The following ZNF827 variants were observed in gnomAD, a reference collection of about 807,000 sequenced individuals.
ZNF827 encodes zinc finger protein 827.
Under a neutral mutation model 102.4 loss-of-function variants are expected in ZNF827, and 13 were observed. The observed-to-expected ratio is 0.13, with a 90% confidence interval of 0.08 to 0.20. The LOEUF (loss-of-function observed/expected upper bound fraction) is 0.20. Ranked by LOEUF, ZNF827 falls within the 10% of genes least tolerant of loss-of-function variation. ZNF827 has a pLI of 1.00. For missense variants in ZNF827, 1,103 were observed against 1,344.4 expected, an observed-to-expected ratio of 0.82 and a Z score of 2.81; for synonymous variants, 523 against 536.2, an observed-to-expected ratio of 0.98 and a Z score of 0.34.
At chr4:145,857,534 A>C (rs1747270772) in intron 5 of ZNF827, among the ~76,000 whole-genome samples, 1 of 152,252 alleles carries the variant, frequency 6.6e-6, no homozygotes, top group Non-Finnish European at 1.5e-5. Context: ...TGGCCACAAC[A>C]GTATGCCCAC....
chr4:145,767,792 CA>C (rs1735542300), intron 11 of ZNF827, among the ~76,000 whole-genome samples: 2 of 152,010 alleles, frequency 1.3e-5, no homozygotes, highest in African/African-American at 4.8e-5. Context: ...AGGCAACAAA[CA>C]AAAGCTCACA....
intron 1 of ZNF827, among the ~76,000 whole-genome samples, chr4:145,927,035 T>C (rs1753476671): frequency 6.6e-6 from 1 of 152,162 alleles, no homozygotes; most frequent in South Asian, 2.1e-4. Flanking sequence ...ATTTGAAGTT[T>C]GCCTTCCTCT....
chr4:145,818,429 G>A (rs1482221471), intron 8 of ZNF827, among the ~76,000 whole-genome samples: 1 of 152,212 alleles, frequency 6.6e-6, no homozygotes, highest in Non-Finnish European at 1.5e-5. Context: ...AAAATGAGAT[G>A]ACATATGTCC....
At chr4:145,856,483 G>A (rs1297421798) in intron 5 of ZNF827, among the ~76,000 whole-genome samples, 1 of 152,174 alleles carries the variant, frequency 6.6e-6, no homozygotes, top group Non-Finnish European at 1.5e-5. Context: ...CCCAGAGAGA[G>A]GCGATGCAAG....
intron 8 of ZNF827, among the ~76,000 whole-genome samples, chr4:145,810,503 T>C (rs1441730096): frequency 6.6e-6 from 1 of 152,242 alleles, no homozygotes. Flanking sequence ...AATAAAAGAA[T>C]GCCTCTCACT....
At chr4:145,922,738 AC>A (rs1182456366) in intron 1 of ZNF827, among the ~76,000 whole-genome samples, 3 of 152,230 alleles carry the variant, frequency 2.0e-5, no homozygotes, top group Non-Finnish European at 4.4e-5. Context: ...CTTGAACATC[AC>A]TTTTAATTGA....
At chr4:145,790,748 ATTC>A (rs1374125377) in intron 8 of ZNF827, among the ~76,000 whole-genome samples, 1 of 152,196 alleles carries the variant, frequency 6.6e-6, no homozygotes, top group African/African-American at 2.4e-5. Context: ...ACACTGCAAT[ATTC>A]TTGTGTGACT....
intron 4 of ZNF827, among the ~76,000 whole-genome samples, chr4:145,874,367 A>G (rs1748975017): frequency 6.6e-6 from 1 of 152,256 alleles, no homozygotes; most frequent in African/African-American, 2.4e-5. Context: ...TCAGAAGAGC[A>G]TATGGAAATC....
intron 4 of ZNF827, among the ~76,000 whole-genome samples, chr4:145,875,939 G>T (rs988851177): frequency 2.0e-5 from 3 of 152,160 alleles, no homozygotes; most frequent in African/African-American, 4.8e-5. Context: ...TAAAATTTAA[G>T]TTCAAAGCGT....
chr4:145,802,194 C>A (rs1385468444), intron 8 of ZNF827, among the ~76,000 whole-genome samples: 1 of 152,196 alleles, frequency 6.6e-6, no homozygotes, highest in African/African-American at 2.4e-5. Flanking sequence ...CACTTAAATT[C>A]ACTTTATCAT....
chr4:145,897,351 A>G (rs1397694862), intron 2 of ZNF827, among the ~76,000 whole-genome samples: 1 of 152,202 alleles, frequency 6.6e-6, no homozygotes, highest in Non-Finnish European at 1.5e-5. Flanking sequence ...GTTCAATCCT[A>G]TGTGGTGATT....
At chr4:145,935,540 G>A (rs533796297) in intron 1 of ZNF827, among the ~76,000 whole-genome samples, 1 of 152,358 alleles carries the variant, frequency 6.6e-6, no homozygotes, top group African/African-American at 2.4e-5. Context: ...GCAAAGGTAA[G>A]TGGAAAAGCT....
intron 11 of ZNF827, among the ~76,000 whole-genome samples, chr4:145,771,591 C>A (rs528762487): frequency 1.3e-5 from 2 of 152,150 alleles, no homozygotes; most frequent in Non-Finnish European, 2.9e-5. Flanking sequence ...AGGGACAAGA[C>A]GCCAGACAGT....
intron 1 of ZNF827, among the ~76,000 whole-genome samples, chr4:145,935,035 C>T (rs1754059684): frequency 6.6e-6 from 1 of 152,056 alleles, no homozygotes; most frequent in Non-Finnish European, 1.5e-5. Context: ...CAGTTTTGCC[C>T]CTCTCATTCC....
intron 1 of ZNF827, among the ~76,000 whole-genome samples, chr4:145,920,316 C>G (rs139013967): frequency 6.6e-6 from 1 of 152,224 alleles, no homozygotes. Flanking sequence ...TCAGGAAAAT[C>G]TGACGGTCTT....
chr4:145,884,727 T>A (rs1294945558), intron 4 of ZNF827, among the ~76,000 whole-genome samples: 7 of 151,938 alleles, frequency 4.6e-5, no homozygotes, highest in Admixed American at 4.6e-4. Flanking sequence ...TGGGAAAAAA[T>A]GATAAAAAAA....
chr4:145,808,417 CT>C (rs1741698026), intron 8 of ZNF827, among the ~76,000 whole-genome samples: 3 of 152,244 alleles, frequency 2.0e-5, no homozygotes, highest in Admixed American at 2.0e-4. Flanking sequence ...CATCATGAAT[CT>C]TTCAAGCCTA....
At chr4:145,883,846 G>C (rs1749884988) in intron 4 of ZNF827, among the ~76,000 whole-genome samples, 1 of 152,092 alleles carries the variant, frequency 6.6e-6, no homozygotes, top group Non-Finnish European at 1.5e-5. Context: ...CATAAAAGGA[G>C]CCCCCTTTGC....
chr4:145,918,967 T>C (rs972345725), intron 1 of ZNF827, among the ~76,000 whole-genome samples: 2 of 152,190 alleles, frequency 1.3e-5, no homozygotes, highest in African/African-American at 4.8e-5. Flanking sequence ...TTTAAAATCC[T>C]ATATTGAGCC....
Sources: allele counts gnomAD v4.1 joint callset (sites outside exome capture counted in the v4.1 genomes callset), GRCh38; gene constraint gnomAD v4.1.1; transcripts MANE v1.5; gene names NCBI Gene and HGNC (gene_info 2026-07-23, HGNC 2026-07-21).